The following LRP1B variants were observed in gnomAD, a reference collection of about 807,000 sequenced individuals.
The protein encoded by LRP1B is low-density lipoprotein receptor-related protein 1B.
A neutral mutation model predicts 556.6 loss-of-function variants in LRP1B; 217 were observed. The observed-to-expected ratio is 0.39, with a 90% confidence interval of 0.35 to 0.44. The LOEUF (loss-of-function observed/expected upper bound fraction) is 0.44. Among genes scored for constraint, LRP1B ranks in the 20% least tolerant of loss-of-function variants. LRP1B has a pLI of 1.00. For missense variants in LRP1B, 5,053 were observed against 5,620.8 expected (o/e 0.90, Z 3.23); for synonymous variants, 2,047 against 1,865.8 (o/e 1.10, Z -2.50).
chr2:141,856,288 C>A (rs1381599875), intron 1 of LRP1B, among the ~76,000 whole-genome samples: 1 of 152,092 alleles, frequency 6.6e-6, no homozygotes, highest in Non-Finnish European at 1.5e-5. Flanking sequence ...TAACTTTATT[C>A]TATCAATTCT....
At chr2:141,806,695 G>T (rs141870351) in intron 2 of LRP1B, among the ~76,000 whole-genome samples, 2 of 151,890 alleles carry the variant, frequency 1.3e-5, no homozygotes, top group African/African-American at 2.4e-5. Context: ...ATATGGACTC[G>T]ATAAACTTTC....
intron 2 of LRP1B, among the ~76,000 whole-genome samples, chr2:141,579,724 C>CTTGTTTTTTTTTTTTTTTTTT (rs1686892602): frequency 9.9e-6 from 1 of 101,002 alleles, no homozygotes; most frequent in Non-Finnish European, 1.8e-5. Flanking sequence ...TCAGGTTTCA[C>CTTGTTTTTTTTTTTTTTTTTT]TTTTTTTTTT....
rs561488511 is a variant in LRP1B, at chr2:141,227,034, C to G, written c.850+2149G>C. On this transcript the variant is annotated intron_variant, in intron 6 of 90. Coordinates refer to ENST00000389484, the MANE Select transcript of LRP1B (RefSeq NM_018557.3). ...TCTATTCAGCATTTCAGTGAATTCC[C>G]TAACAACAACAACAACAACAAAATA... 6.6e-5 allele frequency among the ~76,000 whole-genome samples: 10 copies of G among 151,314 alleles called. No homozygotes were observed. The South Asian group carries it at 2.1e-3, about 32-fold the overall frequency.
chr2:140,752,833 A>G (rs535789581), intron 35 of LRP1B, among the ~76,000 whole-genome samples: 1 of 152,310 alleles, frequency 6.6e-6, no homozygotes, highest in South Asian at 2.1e-4. Flanking sequence ...TCAAAATCCC[A>G]CACCAAAGTT....
intron 41 of LRP1B, among the ~76,000 whole-genome samples, chr2:140,658,436 A>G (rs1684965313): frequency 6.6e-6 from 1 of 152,034 alleles, no homozygotes; most frequent in Non-Finnish European, 1.5e-5. Flanking sequence ...ACAATTAAAC[A>G]ATCTTTGGCA....
In LRP1B at chr2:141,704,932, A is replaced by G. The variant is rs571398244; in HGVS notation, c.205+105347T>C. Among the ~76,000 whole-genome samples, 43 of 152,036 alleles carry G rather than the reference A, an allele frequency of 2.8e-4. No homozygotes were observed. The South Asian group carries it at 8.7e-3, about 31-fold the overall frequency. ...AAGGACATAAAATTGAGTCCCTTAT[A>G]TCCTCTTTTCTCAAAGCTGTATCTT... On this transcript the variant is annotated intron_variant, in intron 2 of 90. Coordinates refer to ENST00000389484, the MANE Select transcript of LRP1B (RefSeq NM_018557.3).
chr2:141,344,104 T>C (rs1286401526), intron 3 of LRP1B, among the ~76,000 whole-genome samples: 1 of 152,202 alleles, frequency 6.6e-6, no homozygotes, highest in South Asian at 2.1e-4. Flanking sequence ...TTGAAAACCA[T>C]TGTTTCATGC....
At chr2:141,851,122 ATT>A (rs1697841551) in intron 1 of LRP1B, among the ~76,000 whole-genome samples, 1 of 8,330 alleles carries the variant, frequency 1.2e-4, no homozygotes, top group Non-Finnish European at 2.4e-4. Flanking sequence ...TTCAGTCTTT[ATT>A]ATAAAGTTGG....
At chr2:141,921,454 A>C (rs1558962782) in intron 1 of LRP1B, among the ~76,000 whole-genome samples, 1 of 152,014 alleles carries the variant, frequency 6.6e-6, no homozygotes, top group East Asian at 1.9e-4. Context: ...ATGTGGGTGT[A>C]TATATGGGTT....
chr2:140,562,406 C>G (rs1680963253), intron 43 of LRP1B, among the ~76,000 whole-genome samples: 1 of 152,064 alleles, frequency 6.6e-6, no homozygotes, highest in African/African-American at 2.4e-5. Flanking sequence ...AAAGTACTAA[C>G]ATGTTTACAG....
chr2:140,920,429 CTT>C lies in LRP1B; in HGVS notation c.3319+2534_3319+2535del, dbSNP rs1351267036. 8.5e-5 allele frequency among the ~76,000 whole-genome samples: 13 copies of C among 152,092 alleles called. No individual in the cohort carries two copies. The South Asian group carries it at 2.1e-3, about 24-fold the overall frequency. On this transcript the variant is annotated intron_variant, in intron 21 of 90. Transcript: ENST00000389484. ...CATATATAAATTAATTAGCCTGAAACTTTTCAATGTTCAGCTAACATTTTAAA... is the reference window on the plus strand; with the variant it reads ...CATATATAAATTAATTAGCCTGAAACTTCAATGTTCAGCTAACATTTTAAA...
At position 141,331,530 on chromosome 2, in the gene LRP1B, T is replaced by TTCTTTCTTTCTTTCTTTCTTTCTC. The variant is rs1553497546; in HGVS notation, c.344-76890_344-76889insGAGAAAGAAAGAAAGAAAGAAAGA. ...TCTTTCTTTCTTTCTTTCTCTTTCTTTCTTTCTTTCTTTCTTTCTTTCTTA... is the reference window on the plus strand; with the variant it reads ...TCTTTCTTTCTTTCTTTCTCTTTCTTTCTTTCTTTCTTTCTTTCTTTCTCTCTTTCTTTCTTTCTTTCTTTCTTA... On this transcript the variant is annotated intron_variant, in intron 3 of 90. Transcript: ENST00000389484. 6.2e-3 allele frequency among the ~76,000 whole-genome samples: 543 copies of TTCTTTCTTTCTTTCTTTCTTTCTC among 87,030 alleles called. 12 individuals carry two copies. The highest frequency in any genetic ancestry group is 0.028 in the African/African-American group (477 of 17,324). The allele number at this position is 87,030 out of a possible 152,430, so 57.1% of individuals were successfully genotyped here. A position where few individuals can be genotyped will look rare whatever the true frequency, so the allele number is the denominator to read the frequency against.
intron 7 of LRP1B, among the ~76,000 whole-genome samples, chr2:141,066,521 A>G (rs1030028250): frequency 1.3e-5 from 2 of 151,984 alleles, no homozygotes; most frequent in Admixed American, 6.6e-5. Context: ...ATCTTAAAGC[A>G]TGCATTTTTT....
chr2:140,460,964 A>G (rs931596322), intron 60 of LRP1B, among the ~76,000 whole-genome samples: 2 of 151,872 alleles, frequency 1.3e-5, no homozygotes, highest in South Asian at 4.2e-4. Context: ...TGACAAATAG[A>G]AAAAGTGGCC....
chr2:140,532,947 T>C lies in LRP1B; in HGVS notation c.7762+1074A>G, dbSNP rs10208328. ...AGCACAAGATATATATATATATATA[T>C]ACACATATATATCTCGATCTGTTTA... On this transcript the variant is annotated intron_variant, in intron 47 of 90. Transcript: ENST00000389484. Among the ~76,000 whole-genome samples, 39 of 124,312 alleles carry C rather than the reference T, an allele frequency of 3.1e-4. 1 individual carries two copies. Among genetic ancestry groups the C allele is most frequent in the East Asian group, 1.0e-3 (4 of 4,018 alleles). 81.6% of individuals were successfully genotyped at this position (124,312 alleles called of 152,430 possible).
At chr2:140,976,297 A>C in intron 18 of LRP1B, among the ~76,000 whole-genome samples, 2 of 150,894 alleles carry the variant, frequency 1.3e-5, no homozygotes, top group African/African-American at 2.4e-5. Flanking sequence ...CCCCTCCTCT[A>C]CTGTCCTCTC....
At chr2:141,762,151 GA>G (rs1198993120) in intron 2 of LRP1B, among the ~76,000 whole-genome samples, 15 of 151,444 alleles carry the variant, frequency 9.9e-5, no homozygotes, top group African/African-American at 3.4e-4. Context: ...CACTATGAGA[GA>G]AAAAAGTAGG....
chr2:141,639,349 T>TATACACATACACAC (rs1262198983), intron 2 of LRP1B, among the ~76,000 whole-genome samples: 2 of 56,096 alleles, frequency 3.6e-5, no homozygotes, highest in African/African-American at 1.3e-4. Context: ...TATATATATA[T>TATACACATACACAC]ACACACACAC....
chr2:141,778,994 G>T (rs542985866), intron 2 of LRP1B, among the ~76,000 whole-genome samples: 1 of 152,088 alleles, frequency 6.6e-6, no homozygotes, highest in Non-Finnish European at 1.5e-5. Flanking sequence ...ACCTCAGTAC[G>T]CCAGGTTCTC....
Sources: allele counts gnomAD v4.1 joint callset (sites outside exome capture counted in the v4.1 genomes callset), GRCh38; gene constraint gnomAD v4.1.1; transcripts MANE v1.5; gene names NCBI Gene and HGNC (gene_info 2026-07-23, HGNC 2026-07-21).